The following KRAS variants were observed in gnomAD, a reference collection of about 807,000 sequenced individuals.
The protein encoded by KRAS is KRas proto-oncogene, GTPase, also known as GTPase KRas.
In KRAS, 1 loss-of-function variant was observed where a neutral mutation model predicts 21.0. The observed-to-expected ratio is 0.05, with a 90% CI of 0.02 to 0.23. The LOEUF (loss-of-function observed/expected upper bound fraction) is 0.23. Among genes scored for constraint, KRAS ranks in the 10% least tolerant of loss-of-function variants. The pLI, the probability that KRAS is intolerant of heterozygous loss-of-function variation, is 1.00. For synonymous variants in KRAS, 67 were observed against 72.5 expected (o/e 0.92, Z 0.39); for missense variants, 107 against 221.8 (o/e 0.48, Z 3.29).
At position 25,245,405 on chromosome 12, in the gene KRAS, AAAAT is replaced by A; in HGVS notation, c.-11-14_-11-11del. ...GTCATTTTCAGCAGGCCTTATAATAAAAATAATGAAAATGTGACTATATTAGAAC... is the reference window on the plus strand; with the variant it reads ...GTCATTTTCAGCAGGCCTTATAATAAAATGAAAATGTGACTATATTAGAAC... On this transcript the variant is annotated splice_polypyrimidine_tract_variant and intron_variant, in intron 1 of 4. Coordinates refer to ENST00000311936, the MANE Select transcript of KRAS (RefSeq NM_004985.5). The A allele has an allele frequency of 6.3e-7, 1 of 1,587,128 alleles. No individual in the cohort carries two copies. Among genetic ancestry groups the A allele is most frequent in the Non-Finnish European group, 8.6e-7 (1 of 1,163,778 alleles).
In KRAS at chr12:25,232,719, G is replaced by A. The variant is rs1951490391; in HGVS notation, c.112-5307C>T. Among the ~76,000 whole-genome samples the A allele has an allele frequency of 3.3e-5, 5 of 151,920 alleles. No homozygotes were observed. In the South Asian group the frequency reaches 1.0e-3, roughly 32 times the overall value. ...ACAATAAAATATTAAATGAAGGAAAGTTATTCCCCATAGTCCCCCCACTCC... is the reference window on the plus strand; with the variant it reads ...ACAATAAAATATTAAATGAAGGAAAATTATTCCCCATAGTCCCCCCACTCC... On this transcript the variant is annotated intron_variant, in intron 2 of 4. Coordinates refer to ENST00000311936, the MANE Select transcript of KRAS (RefSeq NM_004985.5).
chr12:25,219,097 C>T lies in KRAS; in HGVS notation c.450+6517G>A, dbSNP rs147039873. Among the ~76,000 whole-genome samples, 638 of 152,086 alleles carry T rather than the reference C, an allele frequency of 4.2e-3. 6 individuals are homozygous for T. Among genetic ancestry groups the T allele is most frequent in the African/African-American group, 0.014 (596 of 41,478 alleles). ...GGGACTACAGGCATGCACCACCACA[C>T]CCAGCTAATTTTTGTATTTTTAGTA... On this transcript the variant is annotated intron_variant, in intron 4 of 4. Coordinates refer to ENST00000311936, the MANE Select transcript of KRAS (RefSeq NM_004985.5).
rs962697626 is a variant in KRAS at position 25,209,479 on chromosome 12, A to G, written c.*316T>C. On this transcript the variant is annotated 3_prime_UTR_variant, in exon 5 of 5. Transcript: ENST00000311936. Reference sequence around the variant, plus strand: ...AGCTTCATTAATTTGTTTCACACCAACATTCACAATTGGTAAGAAAAATAA... The same window carrying G: ...AGCTTCATTAATTTGTTTCACACCAGCATTCACAATTGGTAAGAAAAATAA... The G allele has an allele frequency of 2.4e-6, 3 of 1,271,826 alleles. No homozygotes were observed. The African/African-American group carries it at 4.6e-5, about 20-fold the overall frequency. The allele number at this position is 1,271,826 out of a possible 1,614,324, so 78.8% of individuals were successfully genotyped here. A position where few individuals can be genotyped will look rare whatever the true frequency, so the allele number is the denominator to read the frequency against.
At chr12:25,232,978 T>A (rs1449089996) in intron 2 of KRAS, among the ~76,000 whole-genome samples, 1 of 152,194 alleles carries the variant, frequency 6.6e-6, no homozygotes, top group Admixed American at 6.5e-5. Context: ...GGTTTTTTTT[T>A]AAATGACAGT....
intron 2 of KRAS, among the ~76,000 whole-genome samples, chr12:25,231,325 G>C (rs1951467065): frequency 6.6e-6 from 1 of 151,890 alleles, no homozygotes; most frequent in Non-Finnish European, 1.5e-5. Flanking sequence ...GACCTCAGGT[G>C]ATCCGCCTCG....
chr12:25,208,555 T>C lies in KRAS; in HGVS notation c.*1240A>G, dbSNP rs1475732807. The C allele has an allele frequency of 3.9e-5, 9 of 233,134 alleles. No homozygotes were observed. In the East Asian group the frequency reaches 4.2e-4, roughly 11 times the overall value. The allele number at this position is 233,134 out of a possible 1,614,324, so 14.4% of individuals were successfully genotyped here. On this transcript the variant is annotated 3_prime_UTR_variant, in exon 5 of 5. Transcript: ENST00000311936. The stretch of plus-strand genomic sequence containing the variant: ...CACCACCACCCCAAAATCTCAACTT[T>C]TGAGTTAATATTTAAAAGTAATTTT...
At chr12:25,220,772 C>A (rs1249019907) in intron 4 of KRAS, among the ~76,000 whole-genome samples, 4 of 151,176 alleles carry the variant, frequency 2.6e-5, no homozygotes. Flanking sequence ...CGTCTGTAAT[C>A]CCAGCACACT....
At chr12:25,239,511 C>CTGCAAGAT (rs553956854) in intron 2 of KRAS, among the ~76,000 whole-genome samples, 62 of 152,280 alleles carry the variant, frequency 4.1e-4, no homozygotes, top group African/African-American at 1.4e-3. Flanking sequence ...TTAGATAACA[C>CTGCAAGAT]TGCAAGATCC....
intron 4 of KRAS, among the ~76,000 whole-genome samples, chr12:25,213,518 A>G (rs1176408979): frequency 1.3e-5 from 2 of 152,224 alleles, no homozygotes; most frequent in African/African-American, 4.8e-5. Flanking sequence ...ACAGAATGAT[A>G]TTCAAAAACA....
intron 4 of KRAS, among the ~76,000 whole-genome samples, chr12:25,221,695 A>G (rs1951327951): frequency 1.3e-5 from 2 of 152,140 alleles, no homozygotes; most frequent in South Asian, 2.1e-4. Flanking sequence ...TCTGATTTAC[A>G]TGGATGAGAA....
chr12:25,249,621 G>A (rs940934702), intron 1 of KRAS, among the ~76,000 whole-genome samples: 1 of 69,348 alleles, frequency 1.4e-5, no homozygotes, highest in Non-Finnish European at 3.4e-5. Flanking sequence ...AGATGCACAT[G>A]TTTAAGTCTA....
chr12:25,246,543 G>C (rs984448845), intron 1 of KRAS, among the ~76,000 whole-genome samples: 3 of 152,032 alleles, frequency 2.0e-5, no homozygotes, highest in Admixed American at 2.0e-4. Context: ...GGGTGACGGA[G>C]TAAGACTCCA....
chr12:25,236,985 A>T (rs939188291), intron 2 of KRAS, among the ~76,000 whole-genome samples: 11 of 152,202 alleles, frequency 7.2e-5, no homozygotes, highest in Admixed American at 6.5e-4. Flanking sequence ...AAAAAGAGGA[A>T]ATCACTCAAA....
Position 25,250,732 on chromosome 12 carries a change from G to C in KRAS, c.-12+19C>G, listed in dbSNP as rs1951757640. 1 of 188,984 alleles carries C rather than the reference G, an allele frequency of 5.3e-6. No individual in the cohort carries two copies. Among genetic ancestry groups the C allele is most frequent in the Non-Finnish European group, 1.1e-5 (1 of 89,636 alleles). 11.7% of individuals were successfully genotyped at this position (188,984 alleles called of 1,614,324 possible). ...TCGGGACCCGGGCAGGGGCCCAGGA[G>C]GGGTGGTCCGCTCCGTACCTCTCTC... On this transcript the variant is annotated intron_variant, in intron 1 of 4. Coordinates refer to ENST00000311936, the MANE Select transcript of KRAS (RefSeq NM_004985.5).
rs1191340163 is a variant in KRAS, at chr12:25,208,949, A to T, written c.*846T>A. 6 of 305,544 alleles carry T rather than the reference A, an allele frequency of 2.0e-5. No homozygotes were observed. Among genetic ancestry groups the T allele is most frequent in the Non-Finnish European group, 3.6e-5 (6 of 167,192 alleles). 18.9% of individuals were successfully genotyped at this position (305,544 alleles called of 1,614,324 possible). A position where few individuals can be genotyped will look rare whatever the true frequency, so the allele number is the denominator to read the frequency against. ...TGAAAGAGCAGTCTGACACAGGGAGACTACATTTAATTCCTATGAGAATTT... is the reference window on the plus strand; with the variant it reads ...TGAAAGAGCAGTCTGACACAGGGAGTCTACATTTAATTCCTATGAGAATTT... On this transcript the variant is annotated 3_prime_UTR_variant, in exon 5 of 5. Coordinates refer to ENST00000311936, the MANE Select transcript of KRAS (RefSeq NM_004985.5).
intron 4 of KRAS, among the ~76,000 whole-genome samples, chr12:25,219,106 T>G (rs1444626217): frequency 1.3e-5 from 2 of 151,944 alleles, no homozygotes; most frequent in Non-Finnish European, 2.9e-5. Context: ...ACCCAGCTAA[T>G]TTTTGTATTT....
chr12:25,233,115 T>TACC (rs1020260006), intron 2 of KRAS, among the ~76,000 whole-genome samples: 1 of 152,088 alleles, frequency 6.6e-6, no homozygotes, highest in African/African-American at 2.4e-5. Flanking sequence ...TCCAACCACC[T>TACC]ACCACCACCA....
intron 4 of KRAS, among the ~76,000 whole-genome samples, chr12:25,222,058 A>G (rs1951332780): frequency 1.3e-5 from 2 of 151,966 alleles, no homozygotes; most frequent in Admixed American, 1.3e-4. Flanking sequence ...CTGAGGCAGA[A>G]GAATGGTGTG....
chr12:25,237,745 C>A (rs1951561926), intron 2 of KRAS, among the ~76,000 whole-genome samples: 3 of 152,072 alleles, frequency 2.0e-5, no homozygotes, highest in African/African-American at 7.2e-5. Flanking sequence ...ATATTAAAGA[C>A]CATGAAAATC....
Sources: gnomAD v4.1 joint callset for allele counts (sites outside exome capture counted in the v4.1 genomes callset) on GRCh38, gnomAD v4.1.1 for gene constraint, MANE v1.5 for transcripts, NCBI Gene and HGNC (gene_info 2026-07-23, HGNC 2026-07-21) for gene names.